The following GRM1 variants were observed in gnomAD, a reference collection of about 807,000 sequenced individuals.
The protein encoded by GRM1 is metabotropic glutamate receptor 1.
GRM1 carries 33 observed loss-of-function variants against 90.9 expected under a neutral mutation model. That is an observed-to-expected ratio of 0.36 (90% CI 0.28 to 0.49). The LOEUF is 0.49. Among genes scored for constraint, GRM1 ranks in the 20% least tolerant of loss-of-function variants. GRM1 has a pLI of 0.99. For synonymous variants in GRM1, 700 were observed against 613.2 expected (o/e 1.14, Z -2.09); for missense variants, 1,190 against 1,534.3 (o/e 0.78, Z 3.75).
At chr6:146,381,516 C>T (rs558831785) in intron 5 of GRM1, among the ~76,000 whole-genome samples, 4 of 152,240 alleles carry the variant, frequency 2.6e-5, no homozygotes, top group African/African-American at 9.6e-5. Context: ...AGGGTGGCAT[C>T]GGTGATTCAG....
chr6:146,130,001 A>T (rs1020758057), intron 1 of GRM1, among the ~76,000 whole-genome samples: 2 of 151,882 alleles, frequency 1.3e-5, no homozygotes, highest in African/African-American at 4.8e-5. Context: ...TTTCAGATGT[A>T]TTGGCTTTAG....
At chr6:146,405,678 G>A (rs577759117) in intron 7 of GRM1, among the ~76,000 whole-genome samples, 11 of 151,352 alleles carry the variant, frequency 7.3e-5, no homozygotes, top group East Asian at 2.0e-4. Context: ...TAGAGACAGC[G>A]AGACAGCTCT....
chr6:146,048,527 A>T (rs1297662963), intron 1 of GRM1, among the ~76,000 whole-genome samples: 2 of 151,958 alleles, frequency 1.3e-5, no homozygotes, highest in African/African-American at 4.8e-5. Context: ...TTATGGGTTA[A>T]TTGTGTCCCA....
chr6:146,127,093 C>T (rs1357375717), intron 1 of GRM1, among the ~76,000 whole-genome samples: 1 of 152,210 alleles, frequency 6.6e-6, no homozygotes, highest in African/African-American at 2.4e-5. Context: ...TTAGAGCTTT[C>T]TTCATATTAA....
intron 1 of GRM1, among the ~76,000 whole-genome samples, chr6:146,043,466 G>A (rs562296675): frequency 6.6e-6 from 1 of 151,920 alleles, no homozygotes; most frequent in South Asian, 2.1e-4. Flanking sequence ...TTTTGTTGAA[G>A]ATATTGCCTG....
chr6:146,393,872 A>G (rs1430889211), intron 6 of GRM1, among the ~76,000 whole-genome samples: 1 of 152,172 alleles, frequency 6.6e-6, no homozygotes, highest in Non-Finnish European at 1.5e-5. Context: ...ACTATACTAC[A>G]AGGCTGCAGT....
At chr6:146,387,091 T>C in intron 6 of GRM1, 75 bp downstream of exon 6, 1 of 1,343,086 alleles carries the variant, frequency 7.4e-7, no homozygotes, top group Non-Finnish European at 1.1e-6. Flanking sequence ...CAAATGAGAA[T>C]GATTAGCTCA....
intron 3 of GRM1, among the ~76,000 whole-genome samples, chr6:146,330,781 AG>A (rs1272846497): frequency 3.3e-5 from 5 of 152,216 alleles, no homozygotes; most frequent in African/African-American, 1.2e-4. Context: ...CAACTACTTA[AG>A]TAAATCTAGC....
intron 2 of GRM1, among the ~76,000 whole-genome samples, chr6:146,165,756 T>C (rs192657094): frequency 2.6e-5 from 4 of 152,278 alleles, no homozygotes; most frequent in Admixed American, 2.6e-4. Context: ...GAATTTTGTT[T>C]AGAATACTCT....
intron 2 of GRM1, among the ~76,000 whole-genome samples, chr6:146,193,304 A>T (rs555565158): frequency 2.1e-4 from 32 of 152,330 alleles, no homozygotes; most frequent in African/African-American, 7.7e-4. Context: ...GGATGAGATC[A>T]TCAAGGTTGT....
chr6:146,124,922 G>C (rs549859191), intron 1 of GRM1, among the ~76,000 whole-genome samples: 1 of 152,098 alleles, frequency 6.6e-6, no homozygotes, highest in Admixed American at 6.6e-5. Context: ...TAAAATTCCA[G>C]TTCCTCATTT....
intron 1 of GRM1, among the ~76,000 whole-genome samples, chr6:146,146,760 T>G (rs1173075705): frequency 2.0e-5 from 3 of 152,160 alleles, no homozygotes; most frequent in Admixed American, 1.3e-4. Flanking sequence ...GACACTGAAG[T>G]GAGTCTCCAC....
intron 2 of GRM1, among the ~76,000 whole-genome samples, chr6:146,242,076 A>G (rs553163840): frequency 1.3e-5 from 2 of 152,262 alleles, no homozygotes; most frequent in East Asian, 3.9e-4. Flanking sequence ...CAGCATGTGT[A>G]AAGGCTCAGA....
intron 2 of GRM1, among the ~76,000 whole-genome samples, chr6:146,232,094 A>C (rs1255763911): frequency 6.6e-6 from 1 of 152,148 alleles, no homozygotes; most frequent in Non-Finnish European, 1.5e-5. Context: ...TTTTTTAAAT[A>C]GAGATTAGAC....
chr6:146,375,349 GAGAA>G (rs1380108841), intron 5 of GRM1, among the ~76,000 whole-genome samples: 2 of 152,022 alleles, frequency 1.3e-5, no homozygotes, highest in Non-Finnish European at 2.9e-5. Context: ...AGGAAGTGCT[GAGAA>G]AGAGTGTGTA....
At chr6:146,260,805 T>G (rs13209501) in intron 2 of GRM1, among the ~76,000 whole-genome samples, 1 of 18,806 alleles carries the variant, frequency 5.3e-5, no homozygotes, top group African/African-American at 2.2e-4. Flanking sequence ...GTTATTTGGG[T>G]TTTTTTTTTT....
chr6:146,325,380 C>T (rs959912857), intron 3 of GRM1, among the ~76,000 whole-genome samples: 1 of 152,152 alleles, frequency 6.6e-6, no homozygotes, highest in Non-Finnish European at 1.5e-5. Flanking sequence ...TGTGAGAAAC[C>T]AATATCATCT....
At chr6:146,215,398 G>A (rs11963936) in intron 2 of GRM1, among the ~76,000 whole-genome samples, 1 of 151,360 alleles carries the variant, frequency 6.6e-6, no homozygotes, top group African/African-American at 2.4e-5. Context: ...ACCACTCTCT[G>A]TTTTCTTTCT....
chr6:146,371,048 ATAGTC>A (rs1775880945), intron 5 of GRM1, among the ~76,000 whole-genome samples: 1 of 151,714 alleles, frequency 6.6e-6, no homozygotes, highest in South Asian at 2.1e-4. Flanking sequence ...TCTTTCTCTC[ATAGTC>A]TATATTATTG....
Sources: allele counts gnomAD v4.1 joint callset (sites outside exome capture counted in the v4.1 genomes callset), GRCh38; gene constraint gnomAD v4.1.1; transcripts MANE v1.5; gene names NCBI Gene and HGNC (gene_info 2026-07-23, HGNC 2026-07-21).